DPP6: variants seen among roughly 807,000 people sequenced by gnomAD.
DPP6 encodes the protein A-type potassium channel modulatory protein DPP6.
A neutral mutation model predicts 122.6 loss-of-function variants in DPP6; 69 were observed. The ratio of observed to expected loss-of-function variants is 0.56; its 90% CI spans 0.46 to 0.69. DPP6 has a LOEUF of 0.69. DPP6 is among the 30% of genes least tolerant of loss of function. DPP6 has a pLI of 0.00. For synonymous variants in DPP6, 418 were observed against 433.1 expected, an observed-to-expected ratio of 0.97 and a Z score of 0.43; for missense variants, 928 against 1,116.9, an observed-to-expected ratio of 0.83 and a Z score of 2.41.
intron 1 of DPP6, among the ~76,000 whole-genome samples, chr7:154,228,959 G>A (rs1800764606): frequency 6.6e-6 from 1 of 152,190 alleles, no homozygotes; most frequent in South Asian, 2.1e-4. Flanking sequence ...AGTATGGTAA[G>A]GTGAATGCCT....
chr7:154,140,811 T>C (rs1315697163), intron 1 of DPP6, among the ~76,000 whole-genome samples: 2 of 152,186 alleles, frequency 1.3e-5, no homozygotes, highest in Non-Finnish European at 2.9e-5. Flanking sequence ...TCAAAACCTT[T>C]TTGGAAGTAG....
At chr7:154,786,879 C>T (rs1230885924) in intron 10 of DPP6, among the ~76,000 whole-genome samples, 1 of 152,128 alleles carries the variant, frequency 6.6e-6, no homozygotes, top group Non-Finnish European at 1.5e-5. Context: ...TCATACGATG[C>T]TTTACCTGGA....
chr7:154,461,576 G>A (rs1210628704), intron 2 of DPP6, among the ~76,000 whole-genome samples: 2 of 152,072 alleles, frequency 1.3e-5, no homozygotes, highest in African/African-American at 4.8e-5. Context: ...GGGGTGAGAT[G>A]GTGTCTCATT....
intron 1 of DPP6, among the ~76,000 whole-genome samples, chr7:153,976,110 G>A (rs1005406421): frequency 5.3e-5 from 8 of 152,140 alleles, no homozygotes; most frequent in African/African-American, 1.9e-4. Context: ...GAACTGGGAA[G>A]GGTGAAGGGG....
intron 1 of DPP6, chr7:154,059,434 T>A (rs1011901380): frequency 8.3e-6 from 1 of 119,920 alleles, no homozygotes; most frequent in Non-Finnish European, 2.0e-5. Flanking sequence ...GCAGGTACCT[T>A]ACATGGGATT....
At chr7:154,234,531 T>A (rs182702445) in intron 1 of DPP6, among the ~76,000 whole-genome samples, 8 of 152,224 alleles carry the variant, frequency 5.3e-5, no homozygotes, top group African/African-American at 1.9e-4. Flanking sequence ...TGGGTTTGGA[T>A]CCTACCTTTG....
intron 1 of DPP6, among the ~76,000 whole-genome samples, chr7:154,265,772 C>G (rs1803380326): frequency 6.6e-6 from 1 of 152,036 alleles, no homozygotes; most frequent in South Asian, 2.1e-4. Flanking sequence ...TATTGTATTT[C>G]TTTTTAAAAA....
At chr7:154,775,410 G>T (rs2150388591) in intron 10 of DPP6, among the ~76,000 whole-genome samples, 1 of 152,190 alleles carries the variant, frequency 6.6e-6, no homozygotes, top group East Asian at 1.9e-4. Context: ...CCTCAACCTG[G>T]CCTGGGTCAG....
At chr7:154,698,379 A>C (rs1840334496) in intron 7 of DPP6, among the ~76,000 whole-genome samples, 8 of 152,226 alleles carry the variant, frequency 5.3e-5, no homozygotes, top group Admixed American at 5.2e-4. Flanking sequence ...CTGAGTCAAA[A>C]ACTAGGAACA....
intron 1 of DPP6, among the ~76,000 whole-genome samples, chr7:154,022,796 T>C (rs1798768169): frequency 6.6e-6 from 1 of 152,202 alleles, no homozygotes; most frequent in African/African-American, 2.4e-5. Context: ...AAATCTTTCC[T>C]GGCAATTGAA....
chr7:154,580,258 AAC>A (rs757091692), intron 5 of DPP6, among the ~76,000 whole-genome samples: 143 of 149,282 alleles, frequency 9.6e-4, no homozygotes, highest in Non-Finnish European at 1.7e-3. Context: ...CACACACATT[AAC>A]ACACACACAC....
chr7:154,686,550 C>T (rs572322861), intron 7 of DPP6, among the ~76,000 whole-genome samples: 4 of 152,254 alleles, frequency 2.6e-5, no homozygotes, highest in African/African-American at 7.2e-5. Context: ...TGATATTTCC[C>T]TCTAAAATCT....
intron 7 of DPP6, among the ~76,000 whole-genome samples, chr7:154,715,202 G>T (rs1485098918): frequency 6.6e-6 from 1 of 152,132 alleles, no homozygotes; most frequent in East Asian, 1.9e-4. Context: ...AAGTAACTGG[G>T]ATTACAGGCA....
chr7:153,902,500 C>T (rs1799679165), intron 1 of DPP6, among the ~76,000 whole-genome samples: 2 of 152,094 alleles, frequency 1.3e-5, no homozygotes, highest in Non-Finnish European at 2.9e-5. Context: ...CAAAAGCCCT[C>T]CCTATCTAGT....
At chr7:154,670,447 C>T (rs1280238317) in intron 7 of DPP6, among the ~76,000 whole-genome samples, 1 of 152,256 alleles carries the variant, frequency 6.6e-6, no homozygotes, top group Non-Finnish European at 1.5e-5. Flanking sequence ...TAGGCAGCAG[C>T]CCAGCCATGT....
chr7:154,705,467 C>T (rs190043355), intron 7 of DPP6, among the ~76,000 whole-genome samples: 11 of 152,268 alleles, frequency 7.2e-5, no homozygotes, highest in Admixed American at 7.2e-4. Context: ...GACAAATCAC[C>T]CCTGGGACCC....
intron 1 of DPP6, among the ~76,000 whole-genome samples, chr7:154,407,597 C>A (rs1012887196): frequency 2.0e-5 from 3 of 152,188 alleles, no homozygotes; most frequent in Non-Finnish European, 4.4e-5. Flanking sequence ...TTGGCCCTTA[C>A]AGTTCATTTT....
the DPP6 span, among the ~76,000 whole-genome samples, chr7:153,788,356 A>G: frequency 4.6e-5 from 7 of 152,198 alleles, no homozygotes; most frequent in Non-Finnish European, 1.0e-4. Flanking sequence ...AGTCGTCTGT[A>G]GACTTTCTGA....
intron 1 of DPP6, among the ~76,000 whole-genome samples, chr7:154,334,473 A>G (rs1337045670): frequency 6.6e-6 from 1 of 152,234 alleles, no homozygotes; most frequent in African/African-American, 2.4e-5. Flanking sequence ...TCTGCCATCA[A>G]TGGCAAGCGG....
Sources: allele counts gnomAD v4.1 joint callset (sites outside exome capture counted in the v4.1 genomes callset), GRCh38; gene constraint gnomAD v4.1.1; transcripts MANE v1.5; gene names NCBI Gene and HGNC (gene_info 2026-07-23, HGNC 2026-07-21).